Variants in RDH12 observed in about 807,000 individuals in gnomAD.
RDH12 encodes the protein all-trans and 9-cis retinol dehydrogenase.
RDH12 carries 21 observed loss-of-function variants against 34.0 expected under a neutral mutation model. The observed-to-expected ratio is 0.62, with a 90% confidence interval of 0.44 to 0.89. The LOEUF (loss-of-function observed/expected upper bound fraction) is 0.89, where lower values mean the gene tolerates loss of function less well. Ranked by LOEUF, RDH12 falls within the 40% of genes least tolerant of loss-of-function variation. The pLI, the probability that RDH12 is intolerant of heterozygous loss-of-function variation, is 0.00. For synonymous variants in RDH12, 198 were observed against 169.9 expected (o/e 1.17, Z -1.29); for missense variants, 394 against 398.6 (o/e 0.99, Z 0.10).
intron 8 of RDH12, among the ~76,000 whole-genome samples, chr14:67,732,421 C>A (rs1324476233): frequency 1.1e-5 from 1 of 88,888 alleles, no homozygotes; most frequent in Admixed American, 1.4e-4. Context: ...TGAAGTGAGA[C>A]CCTATCTCAA....
intron 1 of RDH12, among the ~76,000 whole-genome samples, chr14:67,707,435 T>C (rs922160008): frequency 6.6e-6 from 1 of 152,170 alleles, no homozygotes; most frequent in African/African-American, 2.4e-5. Flanking sequence ...CAAGAATATA[T>C]ATATATTTTT....
chr14:67,714,171 C>T (rs1033025569), intron 1 of RDH12, among the ~76,000 whole-genome samples: 3 of 152,106 alleles, frequency 2.0e-5, no homozygotes, highest in Non-Finnish European at 2.9e-5. Context: ...GGTCTTGCTC[C>T]GTCTCCCAGG....
intron 1 of RDH12, among the ~76,000 whole-genome samples, chr14:67,707,085 T>C (rs926416996): frequency 6.6e-6 from 1 of 152,238 alleles, no homozygotes; most frequent in African/African-American, 2.4e-5. Context: ...GTTATTTTCT[T>C]CTGAAGTTTA....
chr14:67,709,378 A>T (rs1007521632), intron 1 of RDH12, among the ~76,000 whole-genome samples: 48 of 152,342 alleles, frequency 3.2e-4, no homozygotes, highest in African/African-American at 1.1e-3. Flanking sequence ...TTTTATAAAC[A>T]ATCTATAACA....
chr14:67,726,626 C>T (rs2038189888), intron 6 of RDH12, among the ~76,000 whole-genome samples: 2 of 152,188 alleles, frequency 1.3e-5, no homozygotes, highest in South Asian at 4.1e-4. Context: ...TTTTCTGATC[C>T]TAAGCAAATG....
At chr14:67,733,337 C>T (rs1454645537) in intron 8 of RDH12, among the ~76,000 whole-genome samples, 1 of 152,172 alleles carries the variant, frequency 6.6e-6, no homozygotes, top group African/African-American at 2.4e-5. Context: ...TAACCTCCAA[C>T]TGAGATTTGG....
chr14:67,703,457 T>A (rs1331881630), intron 1 of RDH12, among the ~76,000 whole-genome samples: 1 of 152,232 alleles, frequency 6.6e-6, no homozygotes, highest in Non-Finnish European at 1.5e-5. Context: ...TTAGTAATAC[T>A]ATAAACAGTG....
At chr14:67,722,808 CAGAG>C in intron 3 of RDH12, 98 bp downstream of exon 3, 1 of 1,043,792 alleles carries the variant, frequency 9.6e-7, no homozygotes, top group African/African-American at 1.6e-5. Context: ...AGGAGGCTGA[CAGAG>C]GAGAAAGTCA....
chr14:67,708,947 C>A (rs2037981041), intron 1 of RDH12, among the ~76,000 whole-genome samples: 1 of 152,022 alleles, frequency 6.6e-6, no homozygotes, highest in African/African-American at 2.4e-5. Flanking sequence ...CATGCGCCAC[C>A]ACACCCAGCT....
At chr14:67,716,581 A>G (rs1362522184) in intron 1 of RDH12, among the ~76,000 whole-genome samples, 1 of 152,074 alleles carries the variant, frequency 6.6e-6, no homozygotes, top group African/African-American at 2.4e-5. Context: ...AAACATTTGT[A>G]ATAGTTTAAA....
rs2038316726 is a variant in RDH12, at chr14:67,733,790, A to C, written c.893A>C (p.Lys298Thr). The C allele has an allele frequency of 1.2e-6, 2 of 1,613,498 alleles. No homozygotes were observed. The highest frequency in any genetic ancestry group is 1.7e-5 in the Admixed American group (1 of 59,994). ...GTGTCTCCAAGGGCCCGAAATAACA[A>C]AACAGCTGAGCGCCTATGGAATGTC... ...TWVSPRARNN[K>T]TAERLWNVSC... The change falls in exon 9 of 9, where the codon AAA becomes ACA. Residue 298 changes from lysine to threonine, a missense_variant. Coordinates refer to ENST00000551171, the MANE Select transcript of RDH12 (RefSeq NM_152443.3).
intron 1 of RDH12, chr14:67,705,881 C>A (rs2037945095): frequency 6.6e-6 from 1 of 151,988 alleles, no homozygotes; most frequent in East Asian, 1.9e-4. Context: ...GGAGGAGGCA[C>A]TCAAAAAGTA....
chr14:67,717,330 T>C (rs558644216), intron 1 of RDH12, among the ~76,000 whole-genome samples: 2 of 152,270 alleles, frequency 1.3e-5, no homozygotes, highest in South Asian at 4.1e-4. Context: ...ATCCCAGCCA[T>C]TGTAGACTAA....
rs886050643 is a variant in RDH12 at position 67,734,003 on chromosome 14, C to T, written c.*155C>T. On this transcript the variant is annotated 3_prime_UTR_variant, in exon 9 of 9. Transcript: ENST00000551171. ...CTTGACCCTTCTGGGAATGTTTGCA[C>T]ACCTGACACTCTTGTGAGACTGGCT... The T allele has an allele frequency of 1.6e-5, 10 of 614,680 alleles. No individual in the cohort carries two copies. Among genetic ancestry groups the T allele is most frequent in the African/African-American group, 5.5e-5 (3 of 54,720 alleles). The allele number at this position is 614,680 out of a possible 1,614,324, so 38.1% of individuals were successfully genotyped here. A position where few individuals can be genotyped will look rare whatever the true frequency, so the allele number is the denominator to read the frequency against.
At chr14:67,704,661 A>G (rs1406752015) in intron 1 of RDH12, among the ~76,000 whole-genome samples, 2 of 152,216 alleles carry the variant, frequency 1.3e-5, no homozygotes, top group Non-Finnish European at 2.9e-5. Flanking sequence ...GAGTGCCCTC[A>G]TGCGACTGGA....
chr14:67,709,702 A>G (rs760588852), intron 1 of RDH12, among the ~76,000 whole-genome samples: 5 of 152,192 alleles, frequency 3.3e-5, no homozygotes, highest in Non-Finnish European at 7.3e-5. Context: ...GGCATCTTCT[A>G]CCAGGCCTGA....
chr14:67,715,095 G>C (rs2038053244), intron 1 of RDH12: 1 of 152,316 alleles, frequency 6.6e-6, no homozygotes, highest in Admixed American at 6.5e-5. Context: ...AAGCAAAAGA[G>C]AAAAGTACCT....
At chr14:67,726,244 G>C in intron 6 of RDH12, 89 bp downstream of exon 6, 1 of 852,352 alleles carries the variant, frequency 1.2e-6, no homozygotes, top group Non-Finnish European at 2.0e-6. Flanking sequence ...AGAATGTCCA[G>C]GGGCCTTCAT....
At chr14:67,724,722 A>G (rs2038165128) in intron 4 of RDH12, 131 bp downstream of exon 4, 1 of 751,108 alleles carries the variant, frequency 1.3e-6, no homozygotes. Flanking sequence ...GGAACCTGGG[A>G]TTCAAGTCCA....
Sources: gnomAD v4.1 joint callset for allele counts (sites outside exome capture counted in the v4.1 genomes callset) on GRCh38, gnomAD v4.1.1 for gene constraint, MANE v1.5 for transcripts, NCBI Gene and HGNC (gene_info 2026-07-23, HGNC 2026-07-21) for gene names.